Variants in TMEM108 observed in about 807,000 individuals in gnomAD.
TMEM108 encodes cancer/testis antigen 124.
Under a neutral mutation model 35.1 loss-of-function variants are expected in TMEM108, and 12 were observed. The observed-to-expected ratio is 0.34, with a 90% CI of 0.22 to 0.55. The LOEUF (loss-of-function observed/expected upper bound fraction) is 0.55. Among genes scored for constraint, TMEM108 ranks in the 20% least tolerant of loss-of-function variants. TMEM108 has a pLI of 0.89. For synonymous variants in TMEM108, 287 were observed against 308.6 expected, an observed-to-expected ratio of 0.93 and a Z score of 0.73; for missense variants, 680 against 753.3, an observed-to-expected ratio of 0.90 and a Z score of 1.14.
At chr3:133,341,103 G>A (rs1253307300) in intron 3 of TMEM108, among the ~76,000 whole-genome samples, 1 of 151,722 alleles carries the variant, frequency 6.6e-6, no homozygotes, top group East Asian at 1.9e-4. Flanking sequence ...AAATTGGAAA[G>A]GAAGAAGTCA....
At position 133,342,544 on chromosome 3, in the gene TMEM108, G is replaced by GTATATATATATATATA. The variant is rs1553764021; in HGVS notation, c.41-37196_41-37195insTATATATATATATATA. On this transcript the variant is annotated intron_variant, in intron 3 of 5. Coordinates refer to ENST00000321871, the MANE Select transcript of TMEM108 (RefSeq NM_023943.4). ...TAAAAAAGTTAAAAAAGAAAATGTG[G>GTATATATATATATATA]TATATATATATACACACACACACAC... Among the ~76,000 whole-genome samples the GTATATATATATATATA allele has an allele frequency of 6.1e-3, 283 of 46,618 alleles. 44 individuals are homozygous for GTATATATATATATATA. The highest frequency in any genetic ancestry group is 0.025 in the African/African-American group (274 of 10,904). 30.6% of individuals were successfully genotyped at this position (46,618 alleles called of 152,430 possible).
intron 3 of TMEM108, among the ~76,000 whole-genome samples, chr3:133,294,146 T>A (rs1222371464): frequency 6.6e-6 from 1 of 152,234 alleles, no homozygotes; most frequent in Admixed American, 6.5e-5. Context: ...CATTTATATT[T>A]TTCATCCTTA....
intron 2 of TMEM108, among the ~76,000 whole-genome samples, chr3:133,148,371 G>A (rs1250771391): frequency 6.6e-6 from 1 of 152,108 alleles, no homozygotes; most frequent in Non-Finnish European, 1.5e-5. Context: ...CTTTTCTTGG[G>A]GAAGTTGGAA....
chr3:133,282,585 G>C (rs1206209665), intron 3 of TMEM108, among the ~76,000 whole-genome samples: 2 of 152,158 alleles, frequency 1.3e-5, no homozygotes, highest in Admixed American at 6.5e-5. Context: ...AAGTTTTCAG[G>C]TGGTACCCAA....
At chr3:133,173,432 G>T (rs1448246847) in intron 2 of TMEM108, among the ~76,000 whole-genome samples, 2 of 152,184 alleles carry the variant, frequency 1.3e-5, no homozygotes, top group African/African-American at 4.8e-5. Flanking sequence ...AACACTATCT[G>T]TTCATCTGCT....
chr3:133,038,776 G>C (rs1421547474), intron 1 of TMEM108, among the ~76,000 whole-genome samples: 7 of 152,222 alleles, frequency 4.6e-5, no homozygotes, highest in Non-Finnish European at 2.9e-5. Context: ...CGCTGGACCT[G>C]GGCTGGGGCC....
intron 2 of TMEM108, among the ~76,000 whole-genome samples, chr3:133,165,850 C>T (rs1945029437): frequency 1.3e-5 from 2 of 152,210 alleles, no homozygotes; most frequent in African/African-American, 4.8e-5. Flanking sequence ...ATGTAACATA[C>T]ACCTATGTTC....
chr3:133,164,158 A>G (rs1347918573), intron 2 of TMEM108, among the ~76,000 whole-genome samples: 1 of 152,224 alleles, frequency 6.6e-6, no homozygotes, highest in African/African-American at 2.4e-5. Context: ...GTCTGCCTTC[A>G]CATGGACTAT....
intron 2 of TMEM108, among the ~76,000 whole-genome samples, chr3:133,049,051 A>C (rs1943372518): frequency 6.6e-6 from 1 of 152,222 alleles, no homozygotes; most frequent in African/African-American, 2.4e-5. Flanking sequence ...ATGGATGCTA[A>C]AATTTGAGAA....
intron 2 of TMEM108, among the ~76,000 whole-genome samples, chr3:133,151,899 A>G (rs904901956): frequency 6.6e-6 from 1 of 152,178 alleles, no homozygotes; most frequent in East Asian, 1.9e-4. Flanking sequence ...GTCTCTTTCT[A>G]TGGCAGAATA....
chr3:133,283,179 TAA>T (rs1009620770), intron 3 of TMEM108, among the ~76,000 whole-genome samples: 1 of 152,230 alleles, frequency 6.6e-6, no homozygotes, highest in African/African-American at 2.4e-5. Context: ...AGGATTTTTG[TAA>T]AGAGTGAGGT....
chr3:133,118,918 A>G (rs1315466126), intron 2 of TMEM108: 1 of 152,190 alleles, frequency 6.6e-6, no homozygotes, highest in Non-Finnish European at 1.5e-5. Context: ...GCTTTTTCTA[A>G]TAGCATAGAC....
chr3:133,174,449 C>G (rs1945180112), intron 2 of TMEM108, among the ~76,000 whole-genome samples: 1 of 152,166 alleles, frequency 6.6e-6, no homozygotes, highest in Non-Finnish European at 1.5e-5. Context: ...ACTGACACCT[C>G]ACATGGCCGG....
intron 2 of TMEM108, among the ~76,000 whole-genome samples, chr3:133,190,282 T>G (rs1945479801): frequency 6.6e-6 from 1 of 152,190 alleles, no homozygotes; most frequent in Non-Finnish European, 1.5e-5. Flanking sequence ...TTTAGGACTT[T>G]TAATATGGCA....
Position 133,138,704 on chromosome 3 carries a change from A to T in TMEM108, c.-46-90562A>T, listed in dbSNP as rs114285924. Among the ~76,000 whole-genome samples, 1,097 of 151,974 alleles carry T rather than the reference A, an allele frequency of 7.2e-3. 14 individuals carry two copies. Among genetic ancestry groups the T allele is most frequent in the African/African-American group, 0.025 (1,045 of 41,446 alleles). On this transcript the variant is annotated intron_variant, in intron 2 of 5. Coordinates refer to ENST00000321871, the MANE Select transcript of TMEM108 (RefSeq NM_023943.4). ...AATTTTTGTTTGTTAATTTTATGCC[A>T]CCTTTTTGCAGTTAAGTGGATTTTG...
intron 2 of TMEM108, among the ~76,000 whole-genome samples, chr3:133,181,619 G>T (rs528696245): frequency 2.0e-5 from 3 of 152,112 alleles, no homozygotes; most frequent in African/African-American, 7.2e-5. Flanking sequence ...AGATTTTCAG[G>T]CACATTTAAA....
At chr3:133,100,264 C>T (rs1031711038) in intron 2 of TMEM108, among the ~76,000 whole-genome samples, 13 of 152,146 alleles carry the variant, frequency 8.5e-5, no homozygotes, top group African/African-American at 2.4e-4. Flanking sequence ...CCACCCACAA[C>T]ACATGGGAAT....
At chr3:133,236,330 G>A (rs1301966555) in intron 3 of TMEM108, among the ~76,000 whole-genome samples, 2 of 152,018 alleles carry the variant, frequency 1.3e-5, no homozygotes, top group African/African-American at 4.8e-5. Flanking sequence ...AAAAGGAGGG[G>A]AAGAAGGAGA....
intron 2 of TMEM108, among the ~76,000 whole-genome samples, chr3:133,141,894 T>G (rs1344859293): frequency 6.6e-6 from 1 of 152,208 alleles, no homozygotes; most frequent in Non-Finnish European, 1.5e-5. Flanking sequence ...GAATCTCATT[T>G]TCCCACTGTC....
Sources: gnomAD v4.1 joint callset for allele counts (sites outside exome capture counted in the v4.1 genomes callset) on GRCh38, gnomAD v4.1.1 for gene constraint, MANE v1.5 for transcripts, NCBI Gene and HGNC (gene_info 2026-07-23, HGNC 2026-07-21) for gene names.